GRID1: variants seen among roughly 807,000 people sequenced by gnomAD.
GRID1 encodes glutamate receptor ionotropic, delta-1.
In GRID1, 28 loss-of-function variants were observed where a neutral mutation model predicts 98.0. That is an observed-to-expected ratio of 0.29 (90% confidence interval 0.21 to 0.39). GRID1 has a LOEUF of 0.39. GRID1 is among the 10% of genes least tolerant of loss of function. The pLI is 1.00. For synonymous variants in GRID1, 553 were observed against 538.5 expected, an observed-to-expected ratio of 1.03 and a Z score of -0.37; for missense variants, 1,111 against 1,340.5, an observed-to-expected ratio of 0.83 and a Z score of 2.67.
chr10:85,650,895 G>A (rs1253663404), intron 12 of GRID1, among the ~76,000 whole-genome samples: 1 of 152,224 alleles, frequency 6.6e-6, no homozygotes. Flanking sequence ...AGTCCTGGGT[G>A]TGGATGCTGC....
chr10:85,792,963 G>C (rs570937085), intron 8 of GRID1, among the ~76,000 whole-genome samples: 2 of 152,276 alleles, frequency 1.3e-5, no homozygotes, highest in East Asian at 3.9e-4. Flanking sequence ...TGCCTACTCC[G>C]ATGTCATCAG....
intron 4 of GRID1, among the ~76,000 whole-genome samples, chr10:86,118,906 C>A (rs552251592): frequency 3.3e-4 from 51 of 152,240 alleles, no homozygotes; most frequent in African/African-American, 1.1e-3. Flanking sequence ...ACATCAAGGT[C>A]ATCAAAAGCC....
intron 8 of GRID1, among the ~76,000 whole-genome samples, chr10:85,785,088 C>G (rs1462010673): frequency 6.6e-6 from 1 of 152,214 alleles, no homozygotes; most frequent in African/African-American, 2.4e-5. Context: ...GATCTGGGGC[C>G]TGGCCTGACT....
intron 8 of GRID1, among the ~76,000 whole-genome samples, chr10:85,818,106 T>C (rs1842732257): frequency 6.6e-6 from 1 of 152,214 alleles, no homozygotes; most frequent in Non-Finnish European, 1.5e-5. Flanking sequence ...ATACTCCATG[T>C]ATCCAAAGGT....
chr10:85,706,963 A>C (rs920001497), intron 12 of GRID1, among the ~76,000 whole-genome samples: 5 of 152,234 alleles, frequency 3.3e-5, no homozygotes, highest in Admixed American at 6.5e-5. Flanking sequence ...AAATTAATTC[A>C]AGATGGATTA....
Position 85,857,425 on chromosome 10 carries a change from T to C in GRID1, c.952-1235A>G, listed in dbSNP as rs186423292. 8.6e-5 allele frequency among the ~76,000 whole-genome samples: 13 copies of C among 151,870 alleles called. No homozygotes were observed. In the East Asian group the frequency reaches 2.3e-3, roughly 27 times the overall value. On this transcript the variant is annotated intron_variant, in intron 6 of 15. Coordinates refer to ENST00000327946, the MANE Select transcript of GRID1 (RefSeq NM_017551.3). ...ATCTGGATGTGGAGGAGCTAGAAAA[T>C]GGCACCCACCCTCCCAGGGGCCCAG...
chr10:86,071,083 T>G (rs867219019), intron 4 of GRID1, among the ~76,000 whole-genome samples: 2 of 152,308 alleles, frequency 1.3e-5, no homozygotes, highest in Middle Eastern at 3.4e-3. Context: ...GTAACTTATG[T>G]GAATGTTTTT....
intron 6 of GRID1, among the ~76,000 whole-genome samples, chr10:85,866,818 G>C (rs951613161): frequency 2.0e-5 from 3 of 152,132 alleles, no homozygotes; most frequent in Non-Finnish European, 2.9e-5. Flanking sequence ...TTTGAACCCA[G>C]GTGACTTGAT....
At chr10:86,266,521 C>T (rs568303115) in intron 2 of GRID1, among the ~76,000 whole-genome samples, 245 of 152,364 alleles carry the variant, frequency 1.6e-3, no homozygotes, top group Non-Finnish European at 3.2e-3. Context: ...TGATCTTTTA[C>T]ACACCACAGT....
intron 2 of GRID1, among the ~76,000 whole-genome samples, chr10:86,313,276 C>T (rs1056026614): frequency 1.3e-5 from 2 of 152,244 alleles, no homozygotes; most frequent in African/African-American, 4.8e-5. Flanking sequence ...ATGTGCCAGG[C>T]ACCAGGCCAA....
rs906687989 is a variant in GRID1, at chr10:86,349,692, C to T, written c.235+14249G>A. Among the ~76,000 whole-genome samples, 4 of 152,304 alleles carry T rather than the reference C, an allele frequency of 2.6e-5. No homozygotes were observed. In the South Asian group the frequency reaches 6.2e-4, roughly 24 times the overall value. On this transcript the variant is annotated intron_variant, in intron 2 of 15. Coordinates refer to ENST00000327946, the MANE Select transcript of GRID1 (RefSeq NM_017551.3). ...CAGGGCTGCTATACATGCAGCTGTG[C>T]GACCCCAAGTGGTCCTGAGAAAGAA...
At chr10:85,881,334 G>A (rs539896199) in intron 5 of GRID1, among the ~76,000 whole-genome samples, 30 of 152,244 alleles carry the variant, frequency 2.0e-4, no homozygotes, top group Middle Eastern at 3.4e-3. Flanking sequence ...TAAGCCAAAA[G>A]AACAAAGCCA....
At chr10:86,285,615 CA>C (rs1343047154) in intron 2 of GRID1, among the ~76,000 whole-genome samples, 1 of 152,186 alleles carries the variant, frequency 6.6e-6, no homozygotes, top group East Asian at 1.9e-4. Flanking sequence ...CACGCCCACA[CA>C]GGGCTTCCAG....
intron 12 of GRID1, among the ~76,000 whole-genome samples, chr10:85,670,814 C>T (rs1472087550): frequency 6.6e-6 from 1 of 152,188 alleles, no homozygotes; most frequent in Admixed American, 6.5e-5. Flanking sequence ...TCTTCATTTT[C>T]ATTGCTTATT....
At chr10:86,215,502 A>G (rs945695059) in intron 2 of GRID1, among the ~76,000 whole-genome samples, 1 of 152,210 alleles carries the variant, frequency 6.6e-6, no homozygotes, top group Non-Finnish European at 1.5e-5. Context: ...TGCTCCGCCA[A>G]TGAAACGTTA....
At chr10:86,233,486 G>A (rs1457750773) in intron 2 of GRID1, among the ~76,000 whole-genome samples, 1 of 152,124 alleles carries the variant, frequency 6.6e-6, no homozygotes, top group Non-Finnish European at 1.5e-5. Context: ...TAGGCAGCTG[G>A]GCCTCATAGG....
intron 6 of GRID1, among the ~76,000 whole-genome samples, chr10:85,861,988 C>T (rs1418151227): frequency 6.6e-6 from 1 of 151,442 alleles, no homozygotes; most frequent in Non-Finnish European, 1.5e-5. Flanking sequence ...AGTTGCCTTT[C>T]TCAGATACAC....
At chr10:85,747,808 G>A (rs1842011373) in intron 8 of GRID1, among the ~76,000 whole-genome samples, 1 of 152,174 alleles carries the variant, frequency 6.6e-6, no homozygotes, top group South Asian at 2.1e-4. Flanking sequence ...CCAAGACAGT[G>A]TAAGGGGTAA....
chr10:86,057,950 C>G (rs532760985), intron 4 of GRID1, among the ~76,000 whole-genome samples: 1 of 152,110 alleles, frequency 6.6e-6, no homozygotes. Flanking sequence ...CAGAAATGTT[C>G]GTGGAATTCT....
Sources: allele counts gnomAD v4.1 joint callset (sites outside exome capture counted in the v4.1 genomes callset), GRCh38; gene constraint gnomAD v4.1.1; transcripts MANE v1.5; gene names NCBI Gene and HGNC (gene_info 2026-07-23, HGNC 2026-07-21).